The following ZFHX3 variants were observed in gnomAD, a reference collection of about 807,000 sequenced individuals.
ZFHX3 encodes the protein zinc finger homeobox protein 3.
Under a neutral mutation model 279.1 loss-of-function variants are expected in ZFHX3, and 42 were observed. The observed-to-expected ratio is 0.15, with a 90% CI of 0.12 to 0.19. The LOEUF is 0.19. Ranked by LOEUF, ZFHX3 falls within the 10% of genes least tolerant of loss-of-function variation. ZFHX3 has a pLI of 1.00. For synonymous variants in ZFHX3, 2,293 were observed against 1,957.8 expected (o/e 1.17, Z -4.52); for missense variants, 4,981 against 4,754.0 (o/e 1.05, Z -1.40).
At chr16:73,442,941 G>A (rs1008134244) in intron 3 of ZFHX3, among the ~76,000 whole-genome samples, 2 of 152,044 alleles carry the variant, frequency 1.3e-5, no homozygotes, top group African/African-American at 4.8e-5. Flanking sequence ...TTGTAGAGAC[G>A]GGGTCTCACC....
At chr16:73,845,283 C>T (rs1961420442) in intron 1 of ZFHX3, among the ~76,000 whole-genome samples, 1 of 152,062 alleles carries the variant, frequency 6.6e-6, no homozygotes, top group East Asian at 1.9e-4. Flanking sequence ...TTTTTTCTCT[C>T]AGATCTAACA....
chr16:73,323,251 G>A (rs2015616857), intron 3 of ZFHX3, among the ~76,000 whole-genome samples: 1 of 152,158 alleles, frequency 6.6e-6, no homozygotes, highest in Non-Finnish European at 1.5e-5. Context: ...AAACAGTACA[G>A]GAAAAGGTGC....
intron 2 of ZFHX3, among the ~76,000 whole-genome samples, chr16:73,619,592 G>A (rs751562646): frequency 1.3e-5 from 2 of 151,334 alleles, no homozygotes; most frequent in South Asian, 4.2e-4. Flanking sequence ...TTCTTTTAAT[G>A]TCTCATGATG....
chr16:73,329,145 G>T (rs1440062152), intron 3 of ZFHX3, among the ~76,000 whole-genome samples: 1 of 152,240 alleles, frequency 6.6e-6, no homozygotes. Flanking sequence ...AAGGGAAGAA[G>T]AGTAGGTTTT....
intron 2 of ZFHX3, among the ~76,000 whole-genome samples, chr16:73,463,537 C>T (rs1009328749): frequency 3.3e-5 from 5 of 152,162 alleles, no homozygotes; most frequent in Non-Finnish European, 5.9e-5. Flanking sequence ...GTTTGCTTTC[C>T]CTTTATACCC....
chr16:73,166,608 C>A (rs1331813439), intron 5 of ZFHX3, among the ~76,000 whole-genome samples: 1 of 152,116 alleles, frequency 6.6e-6, no homozygotes, highest in Non-Finnish European at 1.5e-5. Flanking sequence ...GGGTCTGCTG[C>A]ATGGTTACCC....
chr16:73,264,030 G>T (rs976271907), intron 4 of ZFHX3, among the ~76,000 whole-genome samples: 2 of 152,150 alleles, frequency 1.3e-5, no homozygotes, highest in Admixed American at 6.5e-5. Flanking sequence ...AGCCAGGCGT[G>T]GTGGCAGACG....
intron 7 of ZFHX3, among the ~76,000 whole-genome samples, chr16:73,109,534 C>T (rs1452791528): frequency 6.6e-6 from 1 of 152,132 alleles, no homozygotes; most frequent in African/African-American, 2.4e-5. Context: ...AGGATGGATA[C>T]ACAAACTCGT....
chr16:73,142,707 T>C (rs1271680314), intron 6 of ZFHX3, among the ~76,000 whole-genome samples: 1 of 152,222 alleles, frequency 6.6e-6, no homozygotes, highest in Non-Finnish European at 1.5e-5. Flanking sequence ...TAGATGTTGA[T>C]ATGGTAATAA....
intron 2 of ZFHX3, among the ~76,000 whole-genome samples, chr16:73,503,210 T>A (rs2019269277): frequency 6.6e-6 from 1 of 152,218 alleles, no homozygotes; most frequent in Non-Finnish European, 1.5e-5. Context: ...TAGAGGCACT[T>A]ATCTAAATAT....
intron 3 of ZFHX3, among the ~76,000 whole-genome samples, chr16:73,347,230 A>AT (rs1278252121): frequency 2.6e-5 from 4 of 152,222 alleles, no homozygotes; most frequent in African/African-American, 4.8e-5. Flanking sequence ...CTGACACAGC[A>AT]GGGCCCACAA....
At chr16:73,805,772 T>C (rs1435482536) in intron 1 of ZFHX3, among the ~76,000 whole-genome samples, 1 of 152,162 alleles carries the variant, frequency 6.6e-6, no homozygotes, top group African/African-American at 2.4e-5. Flanking sequence ...ACGTATAATA[T>C]AATGCTGGGT....
chr16:72,884,835 A>T (rs563559678), intron 4 of ZFHX3, among the ~76,000 whole-genome samples: 1 of 152,312 alleles, frequency 6.6e-6, no homozygotes, highest in African/African-American at 2.4e-5. Flanking sequence ...TAAACCAGGG[A>T]AGCAAATGGC....
intron 3 of ZFHX3, among the ~76,000 whole-genome samples, chr16:73,382,112 G>T (rs1019702964): frequency 6.6e-6 from 1 of 152,134 alleles, no homozygotes. Context: ...CCCCATTTCT[G>T]ACCAAATACA....
At chr16:73,446,503 A>G (rs892145808) in intron 3 of ZFHX3, among the ~76,000 whole-genome samples, 21 of 152,298 alleles carry the variant, frequency 1.4e-4, no homozygotes, top group African/African-American at 5.1e-4. Flanking sequence ...CCAGTGATCT[A>G]ATCATCTCCC....
At chr16:72,846,047 G>A (rs1451160775) in intron 4 of ZFHX3, among the ~76,000 whole-genome samples, 1 of 152,142 alleles carries the variant, frequency 6.6e-6, no homozygotes, top group Non-Finnish European at 1.5e-5. Flanking sequence ...ATATCCATGT[G>A]GCACCTACCC....
chr16:72,788,616 G>A lies in ZFHX3; in HGVS notation c.9660C>T (p.Pro3220=). 1 of 1,613,494 alleles carries A rather than the reference G, an allele frequency of 6.2e-7. No individual in the cohort carries two copies. The highest frequency in any genetic ancestry group is 8.5e-7 in the Non-Finnish European group (1 of 1,179,758). ...PPPPPAAQPP[P]TPQLPLQQQQ... ...GCTGTTGCAGTGGGAGCTGTGGTGT[G>A]GGTGGCGGCTGGGCTGCTGGCGGCG... Residue 3220 remains proline, a synonymous_variant, in exon 10 of 10, where the codon CCC becomes CCT. Transcript: ENST00000268489.
chr16:73,317,603 T>C (rs1266673592), intron 4 of ZFHX3, among the ~76,000 whole-genome samples: 2 of 152,168 alleles, frequency 1.3e-5, no homozygotes, highest in African/African-American at 2.4e-5. Flanking sequence ...GTTGCTGTGA[T>C]TGCATCACTG....
chr16:73,303,533 C>A (rs962161724), intron 4 of ZFHX3, among the ~76,000 whole-genome samples: 1 of 152,086 alleles, frequency 6.6e-6, no homozygotes, highest in Admixed American at 6.6e-5. Context: ...ATGGAGCCAA[C>A]GGCCTCAATG....
Sources: allele counts gnomAD v4.1 joint callset (sites outside exome capture counted in the v4.1 genomes callset), GRCh38; gene constraint gnomAD v4.1.1; transcripts MANE v1.5; gene names NCBI Gene and HGNC (gene_info 2026-07-23, HGNC 2026-07-21).